Variants in SDK1 observed in about 807,000 individuals in gnomAD.
SDK1 encodes protein sidekick-1.
SDK1 carries 157 observed loss-of-function variants against 245.5 expected under a neutral mutation model. That is an observed-to-expected ratio of 0.64 (90% CI 0.56 to 0.73). SDK1 has a LOEUF of 0.73. Ranked by LOEUF, SDK1 falls within the 30% of genes least tolerant of loss-of-function variation. The probability of loss-of-function intolerance (pLI) is 0.00; values close to 1 mark genes in which losing one functional copy is unlikely to be tolerated. For synonymous variants in SDK1, 1,647 were observed against 1,278.5 expected, an observed-to-expected ratio of 1.29 and a Z score of -6.15; for missense variants, 3,583 against 3,002.3, an observed-to-expected ratio of 1.19 and a Z score of -4.52.
chr7:3,961,896 C>T (rs563610242), intron 8 of SDK1, among the ~76,000 whole-genome samples: 1 of 152,206 alleles, frequency 6.6e-6, no homozygotes, highest in Non-Finnish European at 1.5e-5. Flanking sequence ...CACATATATG[C>T]AGGTGCACAT....
At chr7:4,229,695 A>T (rs948168865) in intron 40 of SDK1, among the ~76,000 whole-genome samples, 1 of 152,200 alleles carries the variant, frequency 6.6e-6, no homozygotes, top group Non-Finnish European at 1.5e-5. Flanking sequence ...GAAATCCTTC[A>T]CTTTCTTAGT....
At chr7:3,507,116 G>A (rs1202050075) in intron 1 of SDK1, among the ~76,000 whole-genome samples, 1 of 152,090 alleles carries the variant, frequency 6.6e-6, no homozygotes, top group Admixed American at 6.6e-5. Context: ...TGGTCTTCTA[G>A]GGTGTCTGCT....
At chr7:4,001,929 T>C (rs187340587) in intron 14 of SDK1, among the ~76,000 whole-genome samples, 1 of 152,356 alleles carries the variant, frequency 6.6e-6, no homozygotes. Context: ...TCTTTTCAAA[T>C]TGTGTTTGTC....
At chr7:4,073,283 ACCT>A (rs1299967740) in intron 20 of SDK1, among the ~76,000 whole-genome samples, 1 of 151,926 alleles carries the variant, frequency 6.6e-6, no homozygotes, top group East Asian at 1.9e-4. Context: ...CGTCTTTCCC[ACCT>A]CACGCCCACC....
Position 4,208,275 on chromosome 7 carries a change from C to G in SDK1, c.5391C>G (p.Thr1797=), listed in dbSNP as rs773767282. 6.2e-7 allele frequency: 1 copy of G among 1,612,700 alleles called. No individual in the cohort carries two copies. The highest frequency in any genetic ancestry group is 1.7e-5 in the Admixed American group (1 of 59,844). ...AGAGTGACCCCCAGCAGGGGCGCACCCACCAGGCCGGTAGGAGGAAGGCGG... is the reference window on the plus strand; with the variant it reads ...AGAGTGACCCCCAGCAGGGGCGCACGCACCAGGCCGGTAGGAGGAAGGCGG... ...GPKSDPQQGR[T]HQAAPGAPSF... is the part of the protein sequence containing the mutation. The change falls in exon 37 of 45, where the codon ACC becomes ACG. Residue 1797 remains threonine, a synonymous_variant. Transcript: ENST00000404826.
At chr7:3,588,218 T>A (rs1393634829) in intron 1 of SDK1, among the ~76,000 whole-genome samples, 1 of 152,228 alleles carries the variant, frequency 6.6e-6, no homozygotes, top group Non-Finnish European at 1.5e-5. Flanking sequence ...AACATACCTG[T>A]TACTTAGGTC....
intron 1 of SDK1, among the ~76,000 whole-genome samples, chr7:3,408,136 C>T (rs1215651782): frequency 1.3e-5 from 2 of 152,050 alleles, no homozygotes; most frequent in Non-Finnish European, 1.5e-5. Context: ...CTCCCAGGTT[C>T]AAGCAATTCT....
intron 1 of SDK1, among the ~76,000 whole-genome samples, chr7:3,328,471 T>A (rs1204630965): frequency 6.6e-6 from 1 of 152,028 alleles, no homozygotes; most frequent in Non-Finnish European, 1.5e-5. Context: ...AGACCCAAAC[T>A]TCACACAGAA....
Position 4,250,732 on chromosome 7 carries a change from T to C in SDK1, c.6381+4927T>C, listed in dbSNP as rs146076582. ...GGAAAGGCTGCCATCTTGACAATTA[T>C]GTCCCTCCTAGTCCCCAACCCCACT... On this transcript the variant is annotated intron_variant, in intron 44 of 44. Transcript: ENST00000404826. Among the ~76,000 whole-genome samples, 94 of 152,356 alleles carry C rather than the reference T, an allele frequency of 6.2e-4. 1 individual carries two copies. The East Asian group carries it at 0.01, about 17-fold the overall frequency.
At chr7:3,967,255 G>A (rs1233830856) in intron 9 of SDK1, 63 bp from the exon 10 acceptor site, 1 of 1,286,844 alleles carries the variant, frequency 7.8e-7, no homozygotes, top group East Asian at 2.3e-5. Context: ...AGGATACTCT[G>A]CCAGGCTGAT....
intron 5 of SDK1, among the ~76,000 whole-genome samples, chr7:3,889,783 C>T (rs1781416041): frequency 6.6e-6 from 1 of 152,196 alleles, no homozygotes; most frequent in Non-Finnish European, 1.5e-5. Flanking sequence ...GCTGGGATTA[C>T]AGGCATGAGC....
Position 4,051,623 on chromosome 7 carries a change from C to T in SDK1, c.2719-15C>T, listed in dbSNP as rs987530116. On this transcript the variant is annotated splice_polypyrimidine_tract_variant and intron_variant, in intron 18 of 44. Transcript: ENST00000404826. Reference sequence around the variant, plus strand: ...ATTGAAAACAGGCTGTCTTTTTCACCCTGTTCCATCTCAGCTTCTGGCATG... The same window carrying T: ...ATTGAAAACAGGCTGTCTTTTTCACTCTGTTCCATCTCAGCTTCTGGCATG... 1 of 1,604,866 alleles carries T rather than the reference C, an allele frequency of 6.2e-7. No homozygotes were observed. Among genetic ancestry groups the T allele is most frequent in the Non-Finnish European group, 8.5e-7 (1 of 1,176,234 alleles).
At chr7:3,875,922 C>A (rs373954693) in intron 5 of SDK1, among the ~76,000 whole-genome samples, 6 of 152,186 alleles carry the variant, frequency 3.9e-5, no homozygotes, top group African/African-American at 1.2e-4. Flanking sequence ...GGCTACACTT[C>A]CAGCTTCTTT....
intron 1 of SDK1, among the ~76,000 whole-genome samples, chr7:3,556,352 A>G (rs1451735996): frequency 1.3e-5 from 2 of 152,186 alleles, no homozygotes; most frequent in Non-Finnish European, 2.9e-5. Flanking sequence ...TAAGAAAAGT[A>G]AAACAATTGA....
Position 3,470,992 on chromosome 7 carries a change from C to T in SDK1, c.299-148088C>T, listed in dbSNP as rs959768462. ...TAAACAAGTATCTTTCTTTCCTCCT[C>T]CTTATAAACACCCCAAATTAGTTTC... is the stretch of plus-strand genomic sequence containing the variant. On this transcript the variant is annotated intron_variant, in intron 1 of 44. Coordinates refer to ENST00000404826, the MANE Select transcript of SDK1 (RefSeq NM_152744.4). Among the ~76,000 whole-genome samples the T allele has an allele frequency of 3.3e-5, 5 of 152,146 alleles. No individual in the cohort carries two copies. The South Asian group carries it at 6.2e-4, about 19-fold the overall frequency.
chr7:4,127,359 C>G (rs760752044), intron 25 of SDK1, 22 bp from the exon 26 acceptor site: 2 of 1,574,334 alleles, frequency 1.3e-6, no homozygotes, highest in African/African-American at 2.7e-5. Flanking sequence ...GGATGCTAAT[C>G]TACTTCATTG....
intron 1 of SDK1, among the ~76,000 whole-genome samples, chr7:3,456,448 C>T (rs766307756): frequency 1.3e-5 from 2 of 152,146 alleles, no homozygotes; most frequent in African/African-American, 4.8e-5. Context: ...TTCCATTGCT[C>T]TATCTTCAAG....
intron 1 of SDK1, among the ~76,000 whole-genome samples, chr7:3,434,196 C>T (rs1436771665): frequency 1.3e-5 from 2 of 152,144 alleles, no homozygotes; most frequent in African/African-American, 4.8e-5. Context: ...CTGTACTACT[C>T]ACTCTACCAG....
intron 1 of SDK1, among the ~76,000 whole-genome samples, chr7:3,597,626 T>C (rs1781108992): frequency 6.6e-6 from 1 of 152,202 alleles, no homozygotes; most frequent in Non-Finnish European, 1.5e-5. Context: ...CTTACAGTCT[T>C]AGTTTGATTA....
Sources: allele counts gnomAD v4.1 joint callset (sites outside exome capture counted in the v4.1 genomes callset), GRCh38; gene constraint gnomAD v4.1.1; transcripts MANE v1.5; gene names NCBI Gene and HGNC (gene_info 2026-07-23, HGNC 2026-07-21).